The following AARS1 variants were observed in gnomAD, a reference collection of about 807,000 sequenced individuals.
The protein encoded by AARS1 is alanine--tRNA ligase, cytoplasmic.
A neutral mutation model predicts 108.9 loss-of-function variants in AARS1; 72 were observed. The ratio of observed to expected loss-of-function variants is 0.66; its 90% confidence interval spans 0.55 to 0.80. The LOEUF (loss-of-function observed/expected upper bound fraction) is 0.80. Ranked by LOEUF, AARS1 falls within the 30% of genes least tolerant of loss-of-function variation. The probability of loss-of-function intolerance (pLI) is 0.00; values close to 1 mark genes in which losing one functional copy is unlikely to be tolerated. For missense variants in AARS1, 1,193 were observed against 1,233.2 expected (o/e 0.97, Z 0.49); for synonymous variants, 489 against 465.7 (o/e 1.05, Z -0.64).
intron 1 of AARS1, among the ~76,000 whole-genome samples, chr16:70,283,377 C>G (rs1293506540): frequency 6.9e-6 from 1 of 145,976 alleles, no homozygotes; most frequent in Non-Finnish European, 1.5e-5. Context: ...AGCCTGGCGA[C>G]AGAGAGAGAC....
At chr16:70,289,356 T>G (rs1597453670) in intron 1 of AARS1, 65 bp downstream of exon 1, 1 of 355,184 alleles carries the variant, frequency 2.8e-6, no homozygotes, top group East Asian at 7.5e-5. Context: ...GCTGCGGAGC[T>G]TTCCCCCCAG....
At chr16:70,268,443 A>G (rs1960318614) in intron 7 of AARS1, 64 bp from the exon 8 acceptor site, 2 of 1,397,510 alleles carry the variant, frequency 1.4e-6, no homozygotes, top group Non-Finnish European at 2.0e-6. Context: ...AGTCCCTTGG[A>G]ATCCTACCCA....
In AARS1 at chr16:70,270,204, T is replaced by G. The variant is rs1197267626; in HGVS notation, c.808A>C (p.Ile270Leu). Residue 270 changes from isoleucine to leucine, a missense_variant, in exon 6 of 21, where the codon ATT becomes CTT. Transcript: ENST00000261772. ...TGCAATAGCACCAGTACCTTCTGAA[T>G]GGCTTCAAAGTAAGGGACAAAAAGG... ...TDLFVPYFEA[I>L]QKGTGARPYT... 6.2e-7 allele frequency: 1 copy of G among 1,614,186 alleles called. No homozygotes were observed. The highest frequency in any genetic ancestry group is 1.3e-5 in the African/African-American group (1 of 75,044).
intron 11 of AARS1, among the ~76,000 whole-genome samples, chr16:70,264,160 C>T (rs1003050142): frequency 6.6e-6 from 1 of 150,704 alleles, no homozygotes; most frequent in African/African-American, 2.4e-5. Flanking sequence ...GCCGGAGAAT[C>T]GCTTGAACCC....
intron 1 of AARS1, among the ~76,000 whole-genome samples, 191 bp downstream of exon 1, chr16:70,289,230 C>T (rs947658426): frequency 6.6e-6 from 1 of 152,108 alleles, no homozygotes; most frequent in Non-Finnish European, 1.5e-5. Context: ...CCACCCGAGG[C>T]CGCGACACTC....
intron 4 of AARS1, among the ~76,000 whole-genome samples, chr16:70,272,924 A>ACACACACACACACACACAC (rs1567608986): frequency 4.6e-5 from 7 of 150,892 alleles, no homozygotes; most frequent in African/African-American, 9.8e-5. Flanking sequence ...ACACACACAC[A>ACACACACACACACACACAC]AAAGATTGTG....
intron 2 of AARS1, among the ~76,000 whole-genome samples, chr16:70,280,343 A>G (rs1018936336): frequency 2.6e-5 from 4 of 152,078 alleles, no homozygotes; most frequent in African/African-American, 7.2e-5. Context: ...CAGCCTCCCA[A>G]GTAGCATAAT....
intron 12 of AARS1, among the ~76,000 whole-genome samples, chr16:70,261,753 A>G (rs1179606639): frequency 6.9e-6 from 1 of 144,086 alleles, no homozygotes. Flanking sequence ...CACTGCAACC[A>G]CCCTCTCCTG....
In AARS1 at chr16:70,271,988, A is replaced by G; in HGVS notation, c.480-16T>C. On this transcript the variant is annotated splice_polypyrimidine_tract_variant and intron_variant, in intron 4 of 20. Coordinates refer to ENST00000261772, the MANE Select transcript of AARS1 (RefSeq NM_001605.3). ...GTCATCCAGCCTGACAAAGGAGTAA[A>G]GATAAGTCCAGTTACAGCCCCTGAC... The G allele has an allele frequency of 6.2e-7, 1 of 1,611,946 alleles. No individual in the cohort carries two copies.
intron 12 of AARS1, among the ~76,000 whole-genome samples, chr16:70,262,056 TGA>T (rs1230212130): frequency 6.6e-6 from 1 of 152,182 alleles, no homozygotes; most frequent in Non-Finnish European, 1.5e-5. Flanking sequence ...AGCTCGAGGC[TGA>T]GTTTTCTACA....
chr16:70,252,390 T>C lies in AARS1; in HGVS notation c.*331A>G, dbSNP rs1457741836. 4.7e-6 allele frequency: 2 copies of C among 426,480 alleles called. No individual in the cohort carries two copies. Among genetic ancestry groups the C allele is most frequent in the Non-Finnish European group, 4.4e-6 (1 of 229,400 alleles). 26.4% of individuals were successfully genotyped at this position (426,480 alleles called of 1,614,324 possible). A position where few individuals can be genotyped will look rare whatever the true frequency, so the allele number is the denominator to read the frequency against. ...GGGATAGAGATCATGCGGCATTAAGTATTGCACGTGGTCCTTTTATTCTCT... is the reference window on the plus strand; with the variant it reads ...GGGATAGAGATCATGCGGCATTAAGCATTGCACGTGGTCCTTTTATTCTCT... On this transcript the variant is annotated 3_prime_UTR_variant, in exon 21 of 21. Transcript: ENST00000261772.
At chr16:70,275,721 C>T (rs557925773) in intron 4 of AARS1, among the ~76,000 whole-genome samples, 4 of 151,614 alleles carry the variant, frequency 2.6e-5, no homozygotes, top group Admixed American at 6.6e-5. Flanking sequence ...TGAGATCGCG[C>T]CACTGCACTC....
intron 15 of AARS1, among the ~76,000 whole-genome samples, chr16:70,257,243 CAA>C (rs56734965): frequency 5.2e-5 from 7 of 133,820 alleles, no homozygotes; most frequent in Admixed American, 7.6e-5. Flanking sequence ...AACTCCGTCT[CAA>C]AAAAAAAAAA....
At chr16:70,265,329 C>A in intron 10 of AARS1, 1 of 939,574 alleles carries the variant, frequency 1.1e-6, no homozygotes, top group Non-Finnish European at 1.7e-6. Flanking sequence ...ACAGCAGGAT[C>A]TGCCCCTAGT....
intron 7 of AARS1, 104 bp downstream of exon 7, chr16:70,269,514 A>G: frequency 6.6e-7 from 1 of 1,524,710 alleles, no homozygotes; most frequent in Non-Finnish European, 8.9e-7. Context: ...AGCCTGGGCA[A>G]CAGAGCAACA....
intron 4 of AARS1, among the ~76,000 whole-genome samples, chr16:70,275,442 A>T (rs562210573): frequency 2.1e-4 from 29 of 141,208 alleles, no homozygotes; most frequent in South Asian, 1.4e-3. Context: ...GGTGAAACCC[A>T]GTCTCTACTA....
rs1198765558 is a variant in AARS1 at position 70,264,972 on chromosome 16, G to C, written c.1478C>G (p.Ser493Cys). The change falls in exon 11 of 21, where the codon TCC becomes TGC. Residue 493 changes from serine (S) to cysteine (C), a missense_variant. Transcript: ENST00000261772. ...DSPKYNYHLDSSGSYVFENTV... is the reference protein window; with the variant it reads ...DSPKYNYHLDCSGSYVFENTV... ...CAGCAACATACCATAGCTACCACTG[G>C]AGTCCAAATGGTAATTGTACTTTGG... 4 of 1,614,104 alleles carry C rather than the reference G, an allele frequency of 2.5e-6. No individual in the cohort carries two copies. Among genetic ancestry groups the C allele is most frequent in the Middle Eastern group, 1.6e-4 (1 of 6,062 alleles).
chr16:70,272,709 G>A (rs1032888782), intron 4 of AARS1, among the ~76,000 whole-genome samples: 1 of 151,638 alleles, frequency 6.6e-6, no homozygotes, highest in African/African-American at 2.4e-5. Flanking sequence ...CTTGAGCTCA[G>A]GAGTTCGAGA....
intron 3 of AARS1, 27 bp downstream of exon 3, chr16:70,276,939 C>T: frequency 6.2e-7 from 1 of 1,613,510 alleles, no homozygotes; most frequent in Non-Finnish European, 8.5e-7. Context: ...CCTCAAAACC[C>T]TAGTGGTTCT....
Sources: gnomAD v4.1 joint callset for allele counts (sites outside exome capture counted in the v4.1 genomes callset) on GRCh38, gnomAD v4.1.1 for gene constraint, MANE v1.5 for transcripts, NCBI Gene and HGNC (gene_info 2026-07-23, HGNC 2026-07-21) for gene names.